Variants in UTP4 observed in about 807,000 individuals in gnomAD.
UTP4 encodes U3 small nucleolar RNA-associated protein 4 homolog.
Under a neutral mutation model 82.4 loss-of-function variants are expected in UTP4, and 45 were observed. The observed-to-expected ratio is 0.55, with a 90% CI of 0.43 to 0.70. The LOEUF (loss-of-function observed/expected upper bound fraction) is 0.70, where lower values mean the gene tolerates loss of function less well. Ranked by LOEUF, UTP4 falls within the 30% of genes least tolerant of loss-of-function variation. The probability of loss-of-function intolerance (pLI) is 0.00; values close to 1 mark genes in which losing one functional copy is unlikely to be tolerated. For missense variants in UTP4, 819 were observed against 858.3 expected, an observed-to-expected ratio of 0.95 and a Z score of 0.57; for synonymous variants, 348 against 300.3, an observed-to-expected ratio of 1.16 and a Z score of -1.64.
At chr16:69,166,990 T>A in intron 15 of UTP4, 85 bp from the exon 16 acceptor site, 2 of 894,848 alleles carry the variant, frequency 2.2e-6, no homozygotes, top group South Asian at 2.6e-5. Context: ...GAAGATGATG[T>A]TGGGCTCAAA....
At chr16:69,143,880 A>G (rs1339272156) in intron 6 of UTP4, among the ~76,000 whole-genome samples, 1 of 148,512 alleles carries the variant, frequency 6.7e-6, no homozygotes, top group African/African-American at 2.5e-5. Flanking sequence ...CTTATTTAGT[A>G]GTAGTTCTTT....
At chr16:69,160,639 C>T (rs1473226714) in intron 13 of UTP4, among the ~76,000 whole-genome samples, 177 bp downstream of exon 13, 1 of 150,404 alleles carries the variant, frequency 6.6e-6, no homozygotes. Flanking sequence ...CTCTGTCACC[C>T]AGGCTAGAGT....
intron 5 of UTP4, among the ~76,000 whole-genome samples, chr16:69,141,870 G>A (rs996525472): frequency 1.5e-4 from 22 of 149,460 alleles, no homozygotes; most frequent in Non-Finnish European, 3.0e-4. Context: ...TAAGTTTTAG[G>A]GTACATGTGC....
At chr16:69,133,645 T>C (rs1190029087) in intron 2 of UTP4, 27 bp downstream of exon 2, 3 of 1,609,772 alleles carry the variant, frequency 1.9e-6, no homozygotes, top group South Asian at 1.1e-5. Flanking sequence ...TCTGATATGG[T>C]GTTTTGATGT....
chr16:69,150,845 A>C lies in UTP4; in HGVS notation c.943A>C (p.Met315Leu). 5 of 1,614,100 alleles carry C rather than the reference A, an allele frequency of 3.1e-6. No homozygotes were observed. The highest frequency in any genetic ancestry group is 4.2e-6 in the Non-Finnish European group (5 of 1,180,010). The change falls in exon 8 of 17, where the codon ATG becomes CTG. Residue 315 changes from methionine to leucine, a missense_variant. Transcript: ENST00000314423. ...TDTHLVFRPL[M>L]EKVEVKNYDA... The stretch of plus-strand genomic sequence containing the variant: ...CACCCACTTAGTCTTTCGTCCTCTC[A>C]TGGAGAAGGTGGAAGTAAAGAATTA...
intron 10 of UTP4, among the ~76,000 whole-genome samples, 167 bp from the exon 11 acceptor site, chr16:69,155,704 C>T (rs992277991): frequency 1.3e-5 from 2 of 152,122 alleles, no homozygotes; most frequent in Admixed American, 1.3e-4. Context: ...CTTTTAGGTG[C>T]TCTGCCTCTG....
At chr16:69,132,734 G>T (rs893861419) in intron 1 of UTP4, 45 bp downstream of exon 1, 10 of 252,824 alleles carry the variant, frequency 4.0e-5, no homozygotes, top group South Asian at 3.1e-4. Flanking sequence ...AGAGCTGGGG[G>T]GGTCTTACAA....
Position 69,132,679 on chromosome 16 carries a change from TG to T in UTP4, c.-9del. 3.1e-6 allele frequency: 1 copy of T among 326,056 alleles called. No homozygotes were observed. The highest frequency in any genetic ancestry group is 4.7e-5 in the Admixed American group (1 of 21,428). The allele number at this position is 326,056 out of a possible 1,614,324, so 20.2% of individuals were successfully genotyped here. On this transcript the variant is annotated 5_prime_UTR_variant, in exon 1 of 17. Coordinates refer to ENST00000314423, the MANE Select transcript of UTP4 (RefSeq NM_032830.3). ...GAGGCGAGCACCGGGAAGGGGAGCGTGGGGCCGCTGGTGAGTTGGGGAAGGG... is the reference window on the plus strand; with the variant it reads ...GAGGCGAGCACCGGGAAGGGGAGCGTGGGCCGCTGGTGAGTTGGGGAAGGG...
chr16:69,162,902 AAAG>A (rs970710223), intron 13 of UTP4, among the ~76,000 whole-genome samples, 178 bp from the exon 14 acceptor site: 3 of 151,932 alleles, frequency 2.0e-5, no homozygotes, highest in Non-Finnish European at 4.4e-5. Flanking sequence ...AAAAAAAAAA[AAAG>A]AGAAGAAAAA....
At chr16:69,154,571 CTA>C in intron 10 of UTP4, 114 bp downstream of exon 10, 1 of 834,756 alleles carries the variant, frequency 1.2e-6, no homozygotes, top group Non-Finnish European at 2.0e-6. Flanking sequence ...AATTCTAAAA[CTA>C]TTTGAATGAA....
chr16:69,165,218 G>T, intron 14 of UTP4, 123 bp from the exon 15 acceptor site: 1 of 789,614 alleles, frequency 1.3e-6, no homozygotes, highest in Non-Finnish European at 2.0e-6. Flanking sequence ...AGTGTTGGGA[G>T]AGCATAGAAT....
At chr16:69,151,009 CTTTT>C (rs764679119) in intron 8 of UTP4, 105 bp downstream of exon 8, 41 of 706,680 alleles carry the variant, frequency 5.8e-5, no homozygotes, top group Admixed American at 2.2e-4. Flanking sequence ...ATTTGTAGGA[CTTTT>C]TTTTTTTTTT....
intron 14 of UTP4, among the ~76,000 whole-genome samples, chr16:69,163,630 A>G (rs1389169920): frequency 2.0e-5 from 3 of 151,972 alleles, no homozygotes; most frequent in African/African-American, 7.3e-5. Context: ...TTAGAACCTA[A>G]TCTACTTTTT....
At chr16:69,133,127 A>G (rs1962687417) in intron 1 of UTP4, 3 of 347,994 alleles carry the variant, frequency 8.6e-6, no homozygotes, top group Non-Finnish European at 1.6e-5. Flanking sequence ...ACCTCAGTTT[A>G]GGTCTGTTGT....
At chr16:69,165,805 T>G in intron 15 of UTP4, 1 of 554,770 alleles carries the variant, frequency 1.8e-6, no homozygotes, top group Non-Finnish European at 3.2e-6. Context: ...AGTAAGCACA[T>G]AAATCTTACA....
At chr16:69,160,796 G>A (rs11647474) in intron 13 of UTP4, among the ~76,000 whole-genome samples, 29,372 of 151,704 alleles carry the variant, frequency 0.19, 2,992 homozygotes, top group Middle Eastern at 0.26. Context: ...GGGTTTCACC[G>A]TGTTGCTCAG....
At chr16:69,144,149 A>G (rs192427220) in intron 6 of UTP4, among the ~76,000 whole-genome samples, 106 of 151,774 alleles carry the variant, frequency 7.0e-4, no homozygotes, top group Non-Finnish European at 1.3e-3. Context: ...CGGCCTCCCA[A>G]AGTGCTGGGA....
In UTP4 at chr16:69,142,060, C is replaced by G. The variant is rs181139641; in HGVS notation, c.527-1118C>G. 1.6e-4 allele frequency: 24 copies of G among 148,000 alleles called. No individual in the cohort carries two copies. In the East Asian group the frequency reaches 3.7e-3, roughly 23 times the overall value. The allele number at this position is 148,000 out of a possible 1,614,324, so 9.2% of individuals were successfully genotyped here. On this transcript the variant is annotated intron_variant, in intron 5 of 16. Coordinates refer to ENST00000314423, the MANE Select transcript of UTP4 (RefSeq NM_032830.3). ...GTGTTTTTCACTCTGCCTGTTTCTT[C>G]CCTGTTATTCATTTATTTGTTTCTG...
At chr16:69,153,508 T>C (rs1963330638) in intron 8 of UTP4, 76 bp from the exon 9 acceptor site, 3 of 970,802 alleles carry the variant, frequency 3.1e-6, no homozygotes. Flanking sequence ...TGTGCTAAGG[T>C]GGTGCTACTG....
Sources: allele counts gnomAD v4.1 joint callset (sites outside exome capture counted in the v4.1 genomes callset), GRCh38; gene constraint gnomAD v4.1.1; transcripts MANE v1.5; gene names NCBI Gene and HGNC (gene_info 2026-07-23, HGNC 2026-07-21).